Variants in DSCAM observed in about 807,000 individuals in gnomAD.
DSCAM encodes cell adhesion molecule DSCAM.
A neutral mutation model predicts 217.7 loss-of-function variants in DSCAM; 47 were observed. The observed-to-expected ratio is 0.22, with a 90% CI of 0.17 to 0.28. The LOEUF is 0.28. Among genes scored for constraint, DSCAM ranks in the 10% least tolerant of loss-of-function variants. The pLI, the probability that DSCAM is intolerant of heterozygous loss-of-function variation, is 1.00. For synonymous variants in DSCAM, 1,056 were observed against 1,015.3 expected, an observed-to-expected ratio of 1.04 and a Z score of -0.76; for missense variants, 2,080 against 2,618.3, an observed-to-expected ratio of 0.79 and a Z score of 4.49.
rs537823279 is a variant in DSCAM, at chr21:40,151,768, CG to C, written c.3019-7038del. On this transcript the variant is annotated intron_variant, in intron 16 of 32. Transcript: ENST00000400454. ...GAACTCAGCAGTCTAGTGTGACAGCCGGGAAGTGTGGATTCAAGCTGAGAGT... is the reference window on the plus strand; with the variant it reads ...GAACTCAGCAGTCTAGTGTGACAGCCGGAAGTGTGGATTCAAGCTGAGAGT... Among the ~76,000 whole-genome samples the C allele has an allele frequency of 1.2e-3, 188 of 152,206 alleles. 1 individual carries two copies. The highest frequency in any genetic ancestry group is 2.3e-3 in the Non-Finnish European group (157 of 68,008).
chr21:40,348,567 T>A (rs1007405875), intron 5 of DSCAM, among the ~76,000 whole-genome samples: 5 of 152,240 alleles, frequency 3.3e-5, no homozygotes, highest in African/African-American at 9.6e-5. Flanking sequence ...CTCCTAACAG[T>A]TCTTATCAGC....
chr21:40,083,154 C>T (rs1323322386), intron 24 of DSCAM, among the ~76,000 whole-genome samples: 12 of 152,186 alleles, frequency 7.9e-5, no homozygotes, highest in South Asian at 4.1e-4. Flanking sequence ...TTAGGCCGGG[C>T]GTGGTGGCTC....
At chr21:40,588,436 G>T (rs1762475015) in intron 3 of DSCAM, among the ~76,000 whole-genome samples, 2 of 152,162 alleles carry the variant, frequency 1.3e-5, no homozygotes, top group Non-Finnish European at 2.9e-5. Context: ...TACCGAGCAG[G>T]ATGGCAAAAG....
intron 32 of DSCAM, among the ~76,000 whole-genome samples, chr21:40,039,480 G>A (rs1043550941): frequency 6.6e-6 from 1 of 152,098 alleles, no homozygotes; most frequent in Non-Finnish European, 1.5e-5. Context: ...CATTCATACA[G>A]TAAGGTTTAT....
At chr21:40,229,615 C>G (rs961440511) in intron 11 of DSCAM, among the ~76,000 whole-genome samples, 1 of 152,146 alleles carries the variant, frequency 6.6e-6, no homozygotes, top group Admixed American at 6.5e-5. Context: ...GAGTATCCAG[C>G]CTTCTTAGAC....
chr21:40,330,743 C>T (rs143852288), intron 8 of DSCAM, among the ~76,000 whole-genome samples: 11 of 152,032 alleles, frequency 7.2e-5, no homozygotes, highest in Non-Finnish European at 1.0e-4. Flanking sequence ...TGCTTTCTTG[C>T]GTCATTTAAA....
At chr21:40,701,051 C>A (rs546328629) in intron 2 of DSCAM, among the ~76,000 whole-genome samples, 60 of 152,058 alleles carry the variant, frequency 3.9e-4, no homozygotes, top group African/African-American at 1.4e-3. Flanking sequence ...ATTATTATTT[C>A]TTTCTTAAAG....
chr21:40,684,544 C>T (rs1374159064), intron 3 of DSCAM, among the ~76,000 whole-genome samples: 1 of 152,196 alleles, frequency 6.6e-6, no homozygotes, highest in Admixed American at 6.5e-5. Flanking sequence ...GAGCAAAGGA[C>T]ACAGCACCAT....
chr21:40,084,126 C>CA, intron 23 of DSCAM, 120 bp from the exon 24 acceptor site: 1 of 682,154 alleles, frequency 1.5e-6, no homozygotes, highest in East Asian at 3.0e-5. Flanking sequence ...TTCAGTTTGC[C>CA]AAAATATACA....
At position 40,266,794 on chromosome 21, in the gene DSCAM, A is replaced by G. The variant is rs538417266; in HGVS notation, c.2356+9303T>C. ...TTCACATGCATATATATATATATAT[A>G]TATATACACACACACACACCCCCAC... On this transcript the variant is annotated intron_variant, in intron 11 of 32. Coordinates refer to ENST00000400454, the MANE Select transcript of DSCAM (RefSeq NM_001389.5). 3.2e-4 allele frequency among the ~76,000 whole-genome samples: 43 copies of G among 135,714 alleles called. 1 individual carries two copies. The South Asian group carries it at 6.6e-3, about 21-fold the overall frequency. 89.0% of individuals were successfully genotyped at this position (135,714 alleles called of 152,430 possible).
intron 11 of DSCAM, among the ~76,000 whole-genome samples, chr21:40,192,918 AT>A (rs1255916430): frequency 3.9e-5 from 6 of 152,114 alleles, no homozygotes; most frequent in Non-Finnish European, 8.8e-5. Flanking sequence ...AAATGTTTTC[AT>A]TTTTTTCCAG....
intron 19 of DSCAM, among the ~76,000 whole-genome samples, chr21:40,132,021 A>G (rs2090159364): frequency 1.3e-5 from 2 of 152,240 alleles, no homozygotes; most frequent in African/African-American, 4.8e-5. Context: ...GGATTTCTGT[A>G]CATTCTTCCA....
chr21:40,567,609 CTCA>C (rs2076774773), intron 3 of DSCAM, among the ~76,000 whole-genome samples: 1 of 152,214 alleles, frequency 6.6e-6, no homozygotes, highest in Admixed American at 6.5e-5. Context: ...AATGCCCCTC[CTCA>C]TCTCATTCCC....
chr21:40,834,987 A>AG (rs2092045597), intron 1 of DSCAM, among the ~76,000 whole-genome samples: 2 of 152,230 alleles, frequency 1.3e-5, no homozygotes, highest in Non-Finnish European at 2.9e-5. Flanking sequence ...CTTGGCCACC[A>AG]GTCAGGCTGG....
chr21:40,574,909 G>C (rs781385406), intron 3 of DSCAM, among the ~76,000 whole-genome samples: 2 of 152,040 alleles, frequency 1.3e-5, no homozygotes, highest in Admixed American at 6.6e-5. Flanking sequence ...TAAAACATTA[G>C]TAATCACTAC....
chr21:40,078,991 C>A lies in DSCAM; in HGVS notation c.4421-14G>T. On this transcript the variant is annotated splice_polypyrimidine_tract_variant and intron_variant, in intron 25 of 32. Coordinates refer to ENST00000400454, the MANE Select transcript of DSCAM (RefSeq NM_001389.5). ...AGAACTGGGGCTCTGGGGGAGAAGGCACATGGAGGTCAGCTCACAGGACAC... is the reference window on the plus strand; with the variant it reads ...AGAACTGGGGCTCTGGGGGAGAAGGAACATGGAGGTCAGCTCACAGGACAC... The A allele has an allele frequency of 6.2e-7, 1 of 1,611,064 alleles. No individual in the cohort carries two copies. Among genetic ancestry groups the A allele is most frequent in the Non-Finnish European group, 8.5e-7 (1 of 1,178,214 alleles).
At chr21:40,549,230 G>C (rs1054951480) in intron 3 of DSCAM, among the ~76,000 whole-genome samples, 1 of 152,100 alleles carries the variant, frequency 6.6e-6, no homozygotes, top group Non-Finnish European at 1.5e-5. Context: ...TGTTTTGAGA[G>C]AATACCAACA....
intron 3 of DSCAM, among the ~76,000 whole-genome samples, chr21:40,532,614 A>G (rs1210382810): frequency 6.6e-6 from 1 of 152,178 alleles, no homozygotes. Flanking sequence ...GGTCCGGAAC[A>G]AGAAAGCAAG....
chr21:40,336,368 AAGAAT>A (rs2123580156), intron 8 of DSCAM, among the ~76,000 whole-genome samples: 1 of 152,374 alleles, frequency 6.6e-6, no homozygotes, highest in East Asian at 1.9e-4. Context: ...TCTTTCAAGA[AAGAAT>A]AGAATTTTAG....
Sources: gnomAD v4.1 joint callset for allele counts (sites outside exome capture counted in the v4.1 genomes callset) on GRCh38, gnomAD v4.1.1 for gene constraint, MANE v1.5 for transcripts, NCBI Gene and HGNC (gene_info 2026-07-23, HGNC 2026-07-21) for gene names.